The following ALAS2 variants were observed in gnomAD, a reference collection of about 807,000 sequenced individuals.
The protein encoded by ALAS2 is 5-aminolevulinate synthase, erythroid-specific, mitochondrial.
ALAS2 carries 3 observed loss-of-function variants against 33.7 expected under a neutral mutation model. That is an observed-to-expected ratio of 0.09 (90% CI 0.04 to 0.23). ALAS2 has a LOEUF of 0.23. Ranked by LOEUF, ALAS2 falls within the 10% of genes least tolerant of loss-of-function variation. ALAS2 has a pLI of 1.00. For synonymous variants in ALAS2, 191 were observed against 177.3 expected, an observed-to-expected ratio of 1.08 and a Z score of -0.61; for missense variants, 304 against 475.1, an observed-to-expected ratio of 0.64 and a Z score of 3.35.
chrX:55,024,635 T>A, intron 3 of ALAS2, 83 bp downstream of exon 3: 1 of 1,168,579 alleles, frequency 8.6e-7, no homozygotes, highest in Non-Finnish European at 1.2e-6. Context: ...TGGCTGCTTT[T>A]GTATTAGCCT....
At position 55,015,588 on chromosome X, in the gene ALAS2, A is replaced by G. The variant is rs1182645523; in HGVS notation, c.1158T>C (p.Ser386=). 4 of 1,211,586 alleles carry G rather than the reference A, an allele frequency of 3.3e-6. No individual in the cohort carries two copies. Among genetic ancestry groups the G allele is most frequent in the Non-Finnish European group, 3.4e-6 (3 of 895,391 alleles). The change falls in exon 8 of 11, where the codon TCT becomes TCC. Residue 386 remains serine, a synonymous_variant. Coordinates refer to ENST00000650242, the MANE Select transcript of ALAS2 (RefSeq NM_000032.5). ...DGIMHKIDII[S]GTLGKAFGCV... Reference sequence around the variant, plus strand: ...AAAGCATTCACTTACCAAGAGTTCCAGAGATGATGTCAATCTTATGCATAA... The same window carrying G: ...AAAGCATTCACTTACCAAGAGTTCCGGAGATGATGTCAATCTTATGCATAA...
At chrX:55,020,296 A>G (rs769273502) in intron 6 of ALAS2, 24 bp downstream of exon 6, 2 of 1,197,100 alleles carry the variant, frequency 1.7e-6, no homozygotes, top group Non-Finnish European at 2.3e-6. Flanking sequence ...CCAGCCCTGA[A>G]CAAAGCTCAG....
intron 8 of ALAS2, among the ~76,000 whole-genome samples, chrX:55,015,307 G>C (rs975573535): frequency 9.0e-6 from 1 of 111,356 alleles, no homozygotes; most frequent in South Asian, 3.8e-4. Flanking sequence ...GGGCTAGGGT[G>C]GGGGAGGGGT....
At chrX:55,020,913 A>G (rs1237335750) in intron 5 of ALAS2, 139 bp downstream of exon 5, 2 of 528,221 alleles carry the variant, frequency 3.8e-6, no homozygotes, top group Non-Finnish European at 6.4e-6. Context: ...TCCAAGGAAT[A>G]GATATGATGG....
chrX:55,027,923 A>G lies in ALAS2; in HGVS notation c.-15-1908T>C, dbSNP rs939451119. The G allele has an allele frequency of 2.5e-5, 16 of 631,385 alleles. No individual in the cohort carries two copies. In the Middle Eastern group the frequency reaches 9.1e-4, roughly 36 times the overall value. 52.0% of individuals were successfully genotyped at this position (631,385 alleles called of 1,213,427 possible). ...ATGAAACAATCCAAGTTAAGCCTTT[A>G]GTATAGTTTTTGGCACATAGTAAAT... is the stretch of plus-strand genomic sequence containing the variant. On this transcript the variant is annotated intron_variant, in intron 1 of 10. Coordinates refer to ENST00000650242, the MANE Select transcript of ALAS2 (RefSeq NM_000032.5).
chrX:55,012,306 T>C (rs1935615075), intron 10 of ALAS2, among the ~76,000 whole-genome samples: 1 of 111,857 alleles, frequency 8.9e-6, no homozygotes, highest in Non-Finnish European at 1.9e-5. Context: ...ACAAAGCCTC[T>C]CCAATTTCAT....
At chrX:55,022,285 T>G (rs1366309808) in intron 4 of ALAS2, among the ~76,000 whole-genome samples, 5 of 111,825 alleles carry the variant, frequency 4.5e-5, no homozygotes, top group Non-Finnish European at 7.5e-5. Context: ...GTTTTTTAAA[T>G]GCACATACTG....
Position 55,020,481 on chromosome X carries a change from G to A in ALAS2, c.662C>T (p.Ala221Val), listed in dbSNP as rs17855549. Residue 221 changes from alanine to valine, a missense_variant, in exon 6 of 11, where the codon GCT (alanine) becomes GTT (valine). Physicochemically the swap from Ala to Val is moderately conservative, Grantham distance 64. Transcript: ENST00000650242. ...ATQETLQRHG[A>V]GAGGTRNISG... ...GATGTTGCGGGTGCCACCAGCTCCA[G>A]CACCATGACGCTGCAGGGTCTCCCT... 1.7e-6 allele frequency: 2 copies of A among 1,178,844 alleles called. No homozygotes were observed. Among genetic ancestry groups the A allele is most frequent in the Non-Finnish European group, 2.3e-6 (2 of 878,909 alleles).
chrX:55,028,229 G>A (rs914205900), intron 1 of ALAS2, among the ~76,000 whole-genome samples: 1 of 110,800 alleles, frequency 9.0e-6, no homozygotes, highest in African/African-American at 3.3e-5. Flanking sequence ...TATCGCCATT[G>A]GGGTCTGACC....
chrX:55,017,778 G>T, intron 6 of ALAS2, 113 bp from the exon 7 acceptor site: 2 of 793,633 alleles, frequency 2.5e-6, no homozygotes, highest in Non-Finnish European at 3.8e-6. Context: ...TGAAGACCTT[G>T]CTCTGCTTCT....
At chrX:55,027,917 G>T in intron 1 of ALAS2, 1 of 657,649 alleles carries the variant, frequency 1.5e-6, no homozygotes, top group Non-Finnish European at 2.5e-6. Context: ...TCCAAGTTAA[G>T]CCTTTAGTAT....
At position 55,014,848 on chromosome X, in the gene ALAS2, G is replaced by A; in HGVS notation, c.1336C>T (p.Leu446=). Residue 446 remains leucine (L), a synonymous_variant, in exon 9 of 11, where the codon CTG becomes TTG. Coordinates refer to ENST00000650242, the MANE Select transcript of ALAS2 (RefSeq NM_000032.5). Reference sequence around the variant, plus strand: ...ACATTGCGCTGGTGGGCTCGCCTCAGGGCTTGGCCCTCCTCTCCCTTGAGC... The same window carrying A: ...ACATTGCGCTGGTGGGCTCGCCTCAAGGCTTGGCCCTCCTCTCCCTTGAGC... ...RLLKGEEGQA[L]RRAHQRNVKH... 8.3e-7 allele frequency: 1 copy of A among 1,206,519 alleles called. No homozygotes were observed. Among genetic ancestry groups the A allele is most frequent in the Non-Finnish European group, 1.1e-6 (1 of 892,849 alleles).
intron 10 of ALAS2, among the ~76,000 whole-genome samples, chrX:55,012,562 G>A (rs1935619829): frequency 8.9e-6 from 1 of 112,539 alleles, no homozygotes; most frequent in Non-Finnish European, 1.9e-5. Flanking sequence ...GCCTAGGCAG[G>A]TGGATTACGA....
In ALAS2 at chrX:55,024,797, C is replaced by G. The variant is rs374346410; in HGVS notation, c.225G>C (p.Ser75=). The change falls in exon 3 of 11, where the codon TCG becomes TCC. Residue 75 remains serine (S), a synonymous_variant. Coordinates refer to ENST00000650242, the MANE Select transcript of ALAS2 (RefSeq NM_000032.5). ...WAKGHCPFML[S]ELQDGKSKIV... ...TCTTGCTCTTCCCATCCTGGAGTTC[C>G]GACAGCATGAAGGGACAGTGGCCCT... 8.3e-7 allele frequency: 1 copy of G among 1,209,845 alleles called. No homozygotes were observed. The highest frequency in any genetic ancestry group is 2.2e-5 in the Admixed American group (1 of 45,822).
chrX:55,026,330 G>A (rs776509544), intron 1 of ALAS2, among the ~76,000 whole-genome samples: 52 of 112,176 alleles, frequency 4.6e-4, no homozygotes, highest in African/African-American at 1.7e-3. Flanking sequence ...ATGTGTTTTT[G>A]TGTGGCAGGA....
chrX:55,027,807 T>C (rs1250317325), intron 1 of ALAS2: 1 of 1,211,375 alleles, frequency 8.3e-7, no homozygotes. Context: ...CCCCCTCTCA[T>C]GGGCTGTCAC....
chrX:55,030,462 G>C (rs951276977), intron 1 of ALAS2, among the ~76,000 whole-genome samples: 1 of 111,368 alleles, frequency 9.0e-6, no homozygotes, highest in African/African-American at 3.3e-5. Flanking sequence ...ACTGAGCTCT[G>C]CTGTCAGCCC....
chrX:55,021,209 T>A lies in ALAS2; in HGVS notation c.481A>T (p.Thr161Ser), dbSNP rs1474706754. ...TTCACAGTCTTGAACACACGGTAGG[T>A]GTGATCCTGTTTCTTCTCCATGATC... ...DKIMEKKQDH[T>S]YRVFKTVNRW... Residue 161 changes from threonine to serine, a missense_variant, in exon 5 of 11, where the codon ACC becomes TCC. Physicochemically the swap from Thr to Ser is moderately conservative, Grantham distance 58. Around this residue, in one of 3 missense-constraint regions of ALAS2, gnomAD observed 138 missense variants for 265.3 expected, o/e 0.52. Coordinates refer to ENST00000650242, the MANE Select transcript of ALAS2 (RefSeq NM_000032.5). 8.3e-7 allele frequency: 1 copy of A among 1,210,237 alleles called. No homozygotes were observed. The highest frequency in any genetic ancestry group is 2.2e-5 in the Admixed American group (1 of 45,839).
chrX:55,026,462 G>C (rs1412853335), intron 1 of ALAS2, among the ~76,000 whole-genome samples: 1 of 111,866 alleles, frequency 8.9e-6, no homozygotes, highest in Non-Finnish European at 1.9e-5. Context: ...ATTGAGTAGA[G>C]CTCCTGAGGC....
Sources: gnomAD v4.1 joint callset for allele counts (sites outside exome capture counted in the v4.1 genomes callset) on GRCh38, gnomAD v4.1.1 for gene constraint, gnomAD v4.1.1 regional missense constraint, MANE v1.5 for transcripts, NCBI Gene and HGNC (gene_info 2026-07-23, HGNC 2026-07-21) for gene names.